The following PRSS23 variants were observed in gnomAD, a reference collection of about 807,000 sequenced individuals.
The protein encoded by PRSS23 is protease, serine 23.
In PRSS23, 25 loss-of-function variants were observed where a neutral mutation model predicts 34.7. The ratio of observed to expected loss-of-function variants is 0.72; its 90% CI spans 0.53 to 1.01. The LOEUF is 1.01. Ranked by LOEUF, PRSS23 falls within the 50% of genes least tolerant of loss-of-function variation. PRSS23 has a pLI of 0.00. For synonymous variants in PRSS23, 176 were observed against 186.6 expected, an observed-to-expected ratio of 0.94 and a Z score of 0.46; for missense variants, 445 against 475.6, an observed-to-expected ratio of 0.94 and a Z score of 0.60.
chr11:86,834,561 TCC>T (rs1177402926), intron 2 of PRSS23, among the ~76,000 whole-genome samples: 1 of 61,612 alleles, frequency 1.6e-5, no homozygotes, highest in Non-Finnish European at 3.5e-5. Context: ...CTTTTTCCTT[TCC>T]TTTCCTTTCC....
At chr11:86,894,778 C>T (rs987273033) in intron 2 of PRSS23, among the ~76,000 whole-genome samples, 1 of 152,162 alleles carries the variant, frequency 6.6e-6, no homozygotes, top group Non-Finnish European at 1.5e-5. Context: ...CTCTTTCTCC[C>T]CTAAACTCTC....
chr11:86,893,033 G>T (rs1038767720), intron 2 of PRSS23, among the ~76,000 whole-genome samples: 5 of 152,168 alleles, frequency 3.3e-5, no homozygotes, highest in Admixed American at 6.5e-5. Flanking sequence ...GGGTTAGAGT[G>T]GGGCCTAAAT....
At chr11:86,806,700 A>G (rs1948105470) in intron 1 of PRSS23, among the ~76,000 whole-genome samples, 2 of 152,360 alleles carry the variant, frequency 1.3e-5, no homozygotes, top group Middle Eastern at 3.4e-3. Context: ...CATCATTGTC[A>G]TTAGCGTCAG....
chr11:86,893,554 C>T (rs903710088), intron 2 of PRSS23, among the ~76,000 whole-genome samples: 1 of 152,092 alleles, frequency 6.6e-6, no homozygotes, highest in Non-Finnish European at 1.5e-5. Flanking sequence ...TAAGAGTCAA[C>T]GCTGGTCCTC....
At chr11:86,881,302 G>A (rs760245243) in intron 2 of PRSS23, among the ~76,000 whole-genome samples, 20 of 148,738 alleles carry the variant, frequency 1.3e-4, no homozygotes, top group Non-Finnish European at 2.8e-4. Context: ...TTTGTCAAAT[G>A]TTTGGCTTTT....
At chr11:86,929,323 AAAAAAAAAAAAC>A (rs1360415787) in intron 2 of PRSS23, among the ~76,000 whole-genome samples, 2 of 143,110 alleles carry the variant, frequency 1.4e-5, no homozygotes, top group East Asian at 4.1e-4. Flanking sequence ...ACTCCGTCTC[AAAAAAAAAAAAC>A]AAAAAAAAAA....
chr11:86,890,820 A>G (rs1948836580), intron 2 of PRSS23, among the ~76,000 whole-genome samples: 1 of 152,222 alleles, frequency 6.6e-6, no homozygotes, highest in Admixed American at 6.5e-5. Context: ...GCCCACCACC[A>G]CTGGACTTTC....
intron 2 of PRSS23, among the ~76,000 whole-genome samples, chr11:86,870,608 C>A (rs149143687): frequency 1.3e-5 from 2 of 152,170 alleles, no homozygotes; most frequent in Non-Finnish European, 2.9e-5. Flanking sequence ...CCTTTTCATA[C>A]TCTTCAGGGA....
intron 1 of PRSS23, among the ~76,000 whole-genome samples, chr11:86,823,048 G>A (rs1281787003): frequency 3.9e-5 from 6 of 152,166 alleles, no homozygotes; most frequent in Non-Finnish European, 8.8e-5. Context: ...CAAGTACCAT[G>A]GGTCTCGACC....
downstream of PRSS23, among the ~76,000 whole-genome samples, chr11:86,813,290 C>A (rs887999572): frequency 6.6e-6 from 1 of 152,180 alleles, no homozygotes; most frequent in African/African-American, 2.4e-5. Context: ...CTTGCTATAC[C>A]TGTGTGTTAG....
At chr11:86,879,311 C>T (rs1391567719) in intron 2 of PRSS23, among the ~76,000 whole-genome samples, 4 of 149,702 alleles carry the variant, frequency 2.7e-5, no homozygotes, top group Admixed American at 1.3e-4. Context: ...TCTGCCCAGC[C>T]GCCCCGTCTG....
In PRSS23 at chr11:86,873,292, A is replaced by G. The variant is rs538029822; in HGVS notation, c.206+49699A>G. 9.7e-4 allele frequency among the ~76,000 whole-genome samples: 139 copies of G among 144,026 alleles called. 1 individual carries two copies. Among genetic ancestry groups the G allele is most frequent in the African/African-American group, 3.4e-3 (129 of 38,078 alleles). 94.5% of individuals were successfully genotyped at this position (144,026 alleles called of 152,430 possible). On this transcript the variant is annotated intron_variant, in intron 2 of 2. Transcript: ENST00000533902. ...TACACACACATATATATACATATAT[A>G]TATATTTTTTTTCTTTTTGAGATGG...
chr11:86,872,894 A>T (rs1948694354), intron 2 of PRSS23, among the ~76,000 whole-genome samples: 1 of 152,166 alleles, frequency 6.6e-6, no homozygotes, highest in African/African-American at 2.4e-5. Flanking sequence ...TAACTACCTC[A>T]TGGGGTCTGT....
intron 2 of PRSS23, chr11:86,948,074 C>T (rs1267495074): frequency 6.6e-6 from 1 of 150,588 alleles, no homozygotes; most frequent in African/African-American, 2.5e-5. Context: ...TAAGGGATTT[C>T]TCCAGAGACT....
chr11:86,943,210 G>A (rs900717654), intron 2 of PRSS23, among the ~76,000 whole-genome samples: 2 of 152,202 alleles, frequency 1.3e-5, no homozygotes, highest in Non-Finnish European at 1.5e-5. Context: ...TACAGATAAA[G>A]GAATGTACTA....
chr11:86,914,218 TC>T (rs1234481778), intron 2 of PRSS23, among the ~76,000 whole-genome samples: 1 of 151,872 alleles, frequency 6.6e-6, no homozygotes, highest in African/African-American at 2.4e-5. Context: ...AGAGTGAGAC[TC>T]CATCTCAAAA....
rs1230813787 is a variant in PRSS23, at chr11:86,894,233, CT to C, written c.207-56982del. 2.6e-5 allele frequency among the ~76,000 whole-genome samples: 4 copies of C among 152,308 alleles called. No individual in the cohort carries two copies. The East Asian group carries it at 5.8e-4, about 22-fold the overall frequency. On this transcript the variant is annotated intron_variant, in intron 2 of 2. Coordinates refer to the PRSS23 transcript ENST00000533902. ...CCATGTTGTCCAAGCTGGTCTCAAA[CT>C]CCTGACCTCAAGTGATCTGCCCGCC...
chr11:86,867,727 A>G lies in PRSS23; in HGVS notation c.206+44134A>G, dbSNP rs968527647. Among the ~76,000 whole-genome samples the G allele has an allele frequency of 1.7e-4, 26 of 152,058 alleles. 1 individual carries two copies. The highest frequency in any genetic ancestry group is 3.4e-4 in the African/African-American group (14 of 41,384). On this transcript the variant is annotated intron_variant, in intron 2 of 2. Coordinates refer to the PRSS23 transcript ENST00000533902. ...AGACCCTGTCTCTACAAAAAATAAAATAAGTTGAGTGTGCTGGCAAGTGCT... is the reference window on the plus strand; with the variant it reads ...AGACCCTGTCTCTACAAAAAATAAAGTAAGTTGAGTGTGCTGGCAAGTGCT...
intron 2 of PRSS23, among the ~76,000 whole-genome samples, chr11:86,838,127 G>A (rs983371065): frequency 6.6e-6 from 1 of 151,098 alleles, no homozygotes; most frequent in African/African-American, 2.4e-5. Context: ...TTGGCATCCA[G>A]TACACTTCAT....
Sources: allele counts gnomAD v4.1 joint callset (sites outside exome capture counted in the v4.1 genomes callset), GRCh38; gene constraint gnomAD v4.1.1; transcripts MANE v1.5; gene names NCBI Gene and HGNC (gene_info 2026-07-23, HGNC 2026-07-21).